PLSCR2: variants seen among roughly 807,000 people sequenced by gnomAD.
PLSCR2 encodes the protein PL scramblase 2.
In PLSCR2, 18 loss-of-function variants were observed where a neutral mutation model predicts 25.3. The observed-to-expected ratio is 0.71, with a 90% confidence interval of 0.49 to 1.06. PLSCR2 has a LOEUF of 1.06. PLSCR2 is among the 50% of genes least tolerant of loss of function. The probability of loss-of-function intolerance (pLI) is 0.00; values close to 1 mark genes in which losing one functional copy is unlikely to be tolerated. For synonymous variants in PLSCR2, 88 were observed against 87.3 expected, an observed-to-expected ratio of 1.01 and a Z score of -0.04; for missense variants, 243 against 269.5, an observed-to-expected ratio of 0.90 and a Z score of 0.69.
chr3:146,486,771 T>G (rs944590124), intron 1 of PLSCR2, among the ~76,000 whole-genome samples: 20 of 152,238 alleles, frequency 1.3e-4, no homozygotes, highest in African/African-American at 4.6e-4. Flanking sequence ...GTTCTGAAAC[T>G]ATTCCAAACA....
chr3:146,476,440 C>A (rs1232371456), intron 1 of PLSCR2, among the ~76,000 whole-genome samples: 2 of 152,194 alleles, frequency 1.3e-5, no homozygotes, highest in Non-Finnish European at 2.9e-5. Context: ...GCCTTGGGTC[C>A]CAACCGCAGA....
At chr3:146,445,143 A>G (rs929296575) in intron 6 of PLSCR2, among the ~76,000 whole-genome samples, 1 of 152,038 alleles carries the variant, frequency 6.6e-6, no homozygotes, top group Non-Finnish European at 1.5e-5. Context: ...TGCAGTTTTT[A>G]TTTTTAATAG....
chr3:146,459,860 T>A (rs1289814416), exon 2 of PLSCR2: 1 of 1,611,938 alleles, frequency 6.2e-7, no homozygotes, highest in South Asian at 1.1e-5. Context: ...GACTTAAGTA[T>A]TCCAATCCTG....
At chr3:146,462,182 A>C (rs2041619129), upstream of PLSCR2, among the ~76,000 whole-genome samples, 1 of 151,828 alleles carries the variant, frequency 6.6e-6, no homozygotes. Flanking sequence ...CTCTTTATTC[A>C]TCTAGTAGAG....
intron 2 of PLSCR2, chr3:146,398,850 T>C (rs983507519): frequency 6.6e-6 from 1 of 152,230 alleles, no homozygotes; most frequent in East Asian, 1.9e-4. Flanking sequence ...ATAATATTGA[T>C]CCAACTGGAT....
At chr3:146,470,901 T>C (rs1359915435) in intron 1 of PLSCR2, among the ~76,000 whole-genome samples, 1 of 152,232 alleles carries the variant, frequency 6.6e-6, no homozygotes, top group African/African-American at 2.4e-5. Flanking sequence ...AGTAATGGTA[T>C]CTACCACAGA....
chr3:146,489,097 A>G (rs1270396914), intron 1 of PLSCR2, among the ~76,000 whole-genome samples: 1 of 152,172 alleles, frequency 6.6e-6, no homozygotes. Flanking sequence ...GTTCTCACTC[A>G]TAAGTGGGAG....
At position 146,405,162 on chromosome 3, in the gene PLSCR2, G is replaced by A. The variant is rs1021212978; in HGVS notation, c.101-9241C>T. Among the ~76,000 whole-genome samples the A allele has an allele frequency of 9.2e-5, 14 of 152,164 alleles. No individual in the cohort carries two copies. The East Asian group carries it at 2.7e-3, about 29-fold the overall frequency. On this transcript the variant is annotated intron_variant and NMD_transcript_variant, in intron 2 of 3. Transcript: ENST00000463633. ...TTTATACTTTGGTTTAGAAAGGGGA[G>A]GGGGGTCTAGTTAAAACAATTTTAC...
chr3:146,441,840 AC>A lies in PLSCR2; in HGVS notation c.646-20del. On this transcript the variant is annotated intron_variant, in intron 6 of 6. Coordinates refer to ENST00000610787, the Ensembl canonical transcript of PLSCR2. ...TGTAGTCCTGGATAAAAACAAAAAT[AC>A]AGAAATGAATTCTCAGAAACCAAAC... The A allele has an allele frequency of 6.5e-7, 1 of 1,532,814 alleles. No homozygotes were observed. The highest frequency in any genetic ancestry group is 9.0e-7 in the Non-Finnish European group (1 of 1,112,354). 95.0% of individuals were successfully genotyped at this position (1,532,814 alleles called of 1,614,324 possible).
chr3:146,483,643 T>C (rs1273735114), intron 1 of PLSCR2, among the ~76,000 whole-genome samples: 2 of 150,408 alleles, frequency 1.3e-5, no homozygotes, highest in Admixed American at 1.3e-4. Flanking sequence ...GGAACCCAGG[T>C]GAATAGGGCC....
downstream of PLSCR2, among the ~76,000 whole-genome samples, chr3:146,428,571 T>A (rs1231430063): frequency 2.6e-5 from 4 of 152,220 alleles, no homozygotes; most frequent in African/African-American, 9.6e-5. Flanking sequence ...TGCTTATCAT[T>A]CTATAGCCCT....
chr3:146,481,646 C>T, intron 1 of PLSCR2, among the ~76,000 whole-genome samples: 1 of 152,140 alleles, frequency 6.6e-6, no homozygotes, highest in Non-Finnish European at 1.5e-5. Context: ...TGAAAATGGC[C>T]ATACTGCCCA....
At chr3:146,428,713 G>C (rs543958683), downstream of PLSCR2, among the ~76,000 whole-genome samples, 5 of 152,250 alleles carry the variant, frequency 3.3e-5, no homozygotes, top group South Asian at 2.1e-4. Context: ...AGAAAAAACA[G>C]TCTCTAGCCC....
intron 1 of PLSCR2, among the ~76,000 whole-genome samples, chr3:146,483,435 A>ACCC (rs1560054596): frequency 1.1e-4 from 10 of 88,782 alleles, no homozygotes; most frequent in African/African-American, 4.4e-4. Flanking sequence ...CTTAATATAT[A>ACCC]TATATATACA....
intron 3 of PLSCR2, among the ~76,000 whole-genome samples, chr3:146,394,059 T>C (rs568458359): frequency 8.3e-4 from 127 of 152,280 alleles, no homozygotes; most frequent in Non-Finnish European, 1.5e-3. Flanking sequence ...AGCTTTATCA[T>C]TGTAGTTACC....
chr3:146,446,200 G>A (rs751675443), intron 6 of PLSCR2, among the ~76,000 whole-genome samples: 5 of 152,120 alleles, frequency 3.3e-5, no homozygotes, highest in Non-Finnish European at 7.3e-5. Context: ...GGATGGTCTT[G>A]ATGTTTGTGG....
chr3:146,471,255 A>G (rs182100064), intron 1 of PLSCR2, among the ~76,000 whole-genome samples: 2 of 152,182 alleles, frequency 1.3e-5, no homozygotes. Context: ...AATAAAAAAA[A>G]CATTTTATTC....
intron 2 of PLSCR2, among the ~76,000 whole-genome samples, chr3:146,400,182 CAAAG>C (rs2038416209): frequency 2.6e-5 from 4 of 151,336 alleles, no homozygotes; most frequent in African/African-American, 9.7e-5. Flanking sequence ...ATACAGATGA[CAAAG>C]GAAGAAGTAA....
At chr3:146,476,942 A>T (rs943901525) in intron 1 of PLSCR2, among the ~76,000 whole-genome samples, 1 of 152,230 alleles carries the variant, frequency 6.6e-6, no homozygotes, top group African/African-American at 2.4e-5. Context: ...GCTCTGAGGA[A>T]TCCAGGCAGC....
Sources: gnomAD v4.1 joint callset for allele counts (sites outside exome capture counted in the v4.1 genomes callset) on GRCh38, gnomAD v4.1.1 for gene constraint, MANE v1.5 for transcripts, NCBI Gene and HGNC (gene_info 2026-07-23, HGNC 2026-07-21) for gene names.